ARID4B: variants seen among roughly 807,000 people sequenced by gnomAD.
The protein encoded by ARID4B is AT-rich interaction domain 4B.
ARID4B carries 26 observed loss-of-function variants against 147.5 expected under a neutral mutation model. The observed-to-expected ratio is 0.18, with a 90% CI of 0.13 to 0.24. The LOEUF is 0.24. Ranked by LOEUF, ARID4B falls within the 10% of genes least tolerant of loss-of-function variation. ARID4B has a pLI of 1.00. For synonymous variants in ARID4B, 512 were observed against 507.9 expected (o/e 1.01, Z -0.11); for missense variants, 1,179 against 1,511.5 (o/e 0.78, Z 3.65).
chr1:235,288,561 C>T (rs1167254933), intron 2 of ARID4B, among the ~76,000 whole-genome samples: 1 of 152,108 alleles, frequency 6.6e-6, no homozygotes, highest in Non-Finnish European at 1.5e-5. Flanking sequence ...CACAAACTGT[C>T]GAATTAATTT....
chr1:235,171,726 G>A (rs970179478), intron 23 of ARID4B, among the ~76,000 whole-genome samples: 19 of 151,712 alleles, frequency 1.3e-4, no homozygotes, highest in African/African-American at 4.6e-4. Context: ...TGCAACATCT[G>A]CCTCCTGGGT....
At chr1:235,204,708 G>C (rs955176221) in intron 17 of ARID4B, among the ~76,000 whole-genome samples, 8 of 152,150 alleles carry the variant, frequency 5.3e-5, no homozygotes, top group Non-Finnish European at 1.2e-4. Flanking sequence ...CAGATGCTAA[G>C]TTTTTTAAAT....
intron 4 of ARID4B, among the ~76,000 whole-genome samples, chr1:235,256,274 C>CTATT (rs1247505573): frequency 6.6e-6 from 1 of 151,452 alleles, no homozygotes; most frequent in Non-Finnish European, 1.5e-5. Context: ...TACCTAAGTA[C>CTATT]TATTATAAAG....
At chr1:235,249,670 G>A (rs528372120) in intron 6 of ARID4B, among the ~76,000 whole-genome samples, 31 of 152,060 alleles carry the variant, frequency 2.0e-4, no homozygotes, top group African/African-American at 3.4e-4. Flanking sequence ...GGCCGGGCAC[G>A]GTGGCTCACA....
At chr1:235,209,003 TATA>T (rs1666517774) in intron 17 of ARID4B, among the ~76,000 whole-genome samples, 1 of 152,178 alleles carries the variant, frequency 6.6e-6, no homozygotes, top group South Asian at 2.1e-4. Flanking sequence ...GTAAGAGTAT[TATA>T]ATATTTGTGG....
chr1:235,312,414 C>T (rs923646566), intron 2 of ARID4B, among the ~76,000 whole-genome samples: 1 of 152,144 alleles, frequency 6.6e-6, no homozygotes, highest in Non-Finnish European at 1.5e-5. Flanking sequence ...TGGAAGAATA[C>T]ACCCAAAAAC....
intron 8 of ARID4B, among the ~76,000 whole-genome samples, chr1:235,238,438 C>T (rs1476647071): frequency 3.9e-5 from 6 of 152,172 alleles, no homozygotes; most frequent in Non-Finnish European, 7.3e-5. Flanking sequence ...CCCATTCTGT[C>T]TCTCGATATT....
intron 2 of ARID4B, among the ~76,000 whole-genome samples, chr1:235,261,955 T>C (rs774215343): frequency 2.0e-4 from 31 of 152,238 alleles, no homozygotes; most frequent in Non-Finnish European, 3.7e-4. Flanking sequence ...ATTACTTCTC[T>C]GCCTCAACTT....
intron 18 of ARID4B, among the ~76,000 whole-genome samples, chr1:235,195,621 T>G (rs1404166195): frequency 5.3e-5 from 8 of 151,970 alleles, no homozygotes; most frequent in Non-Finnish European, 1.2e-4. Context: ...TGTGAATATA[T>G]TCTAAGCCAC....
At chr1:235,175,117 A>ACAAAAT in intron 22 of ARID4B, 67 bp downstream of exon 22, 1 of 1,440,086 alleles carries the variant, frequency 6.9e-7, no homozygotes, top group Non-Finnish European at 9.7e-7. Flanking sequence ...AAAAACAAAA[A>ACAAAAT]CAAAATAAAA....
intron 10 of ARID4B, among the ~76,000 whole-genome samples, chr1:235,230,766 AC>A (rs1668165723): frequency 6.6e-6 from 1 of 151,806 alleles, no homozygotes; most frequent in Non-Finnish European, 1.5e-5. Context: ...TATTAAAATA[AC>A]AAAAAATTAG....
intron 8 of ARID4B, among the ~76,000 whole-genome samples, chr1:235,236,850 A>ATATATATATGTG (rs1558233577): frequency 5.3e-5 from 2 of 37,524 alleles, no homozygotes; most frequent in Non-Finnish European, 1.1e-4. Flanking sequence ...ATATATATAT[A>ATATATATATGTG]TATATATATA....
chr1:235,296,075 C>T lies in ARID4B; in HGVS notation c.6+30839G>A, dbSNP rs1370444432. The T allele has an allele frequency of 1.8e-5, 3 of 166,898 alleles. No individual in the cohort carries two copies. In the East Asian group the frequency reaches 4.8e-4, roughly 27 times the overall value. 10.3% of individuals were successfully genotyped at this position (166,898 alleles called of 1,614,324 possible). A position where few individuals can be genotyped will look rare whatever the true frequency, so the allele number is the denominator to read the frequency against. On this transcript the variant is annotated intron_variant, in intron 2 of 23. Coordinates refer to ENST00000264183, the MANE Select transcript of ARID4B (RefSeq NM_016374.6). ...ATATCCTTGGAAGACTGGTCCAGTCCAGGAGAAACCAGCTTGACCACTATG... is the reference window on the plus strand; with the variant it reads ...ATATCCTTGGAAGACTGGTCCAGTCTAGGAGAAACCAGCTTGACCACTATG...
At position 235,293,181 on chromosome 1, in the gene ARID4B, A is replaced by G. The variant is rs562646490; in HGVS notation, c.7-32429T>C. ...GCTGCTATCCTCAGTACCGAAGCGC[A>G]GTAACTAAAGATCAACATCACACAA... On this transcript the variant is annotated intron_variant, in intron 2 of 23. Transcript: ENST00000264183. Among the ~76,000 whole-genome samples the G allele has an allele frequency of 2.6e-5, 4 of 152,360 alleles. No individual in the cohort carries two copies. In the East Asian group the frequency reaches 7.7e-4, roughly 29 times the overall value.
intron 2 of ARID4B, among the ~76,000 whole-genome samples, chr1:235,310,359 A>G (rs1041686855): frequency 1.3e-5 from 2 of 152,234 alleles, no homozygotes; most frequent in Non-Finnish European, 2.9e-5. Flanking sequence ...TTATTTATTT[A>G]TAATAACTAG....
At chr1:235,274,963 G>A (rs116309475) in intron 2 of ARID4B, among the ~76,000 whole-genome samples, 6 of 152,132 alleles carry the variant, frequency 3.9e-5, no homozygotes, top group African/African-American at 9.7e-5. Flanking sequence ...ACAATGGTAA[G>A]AGTAGGAAAA....
chr1:235,181,517 T>C, intron 20 of ARID4B, 68 bp downstream of exon 20: 2 of 1,534,574 alleles, frequency 1.3e-6, no homozygotes, highest in Non-Finnish European at 1.7e-6. Flanking sequence ...CAAGAGATAC[T>C]GTGAAATCAT....
At chr1:235,222,599 T>A (rs532589731) in intron 13 of ARID4B, among the ~76,000 whole-genome samples, 2 of 152,054 alleles carry the variant, frequency 1.3e-5, no homozygotes, top group East Asian at 3.9e-4. Context: ...ATGGCTGTGC[T>A]GTGACTCAGA....
chr1:235,210,864 C>T (rs1009405414), intron 17 of ARID4B, among the ~76,000 whole-genome samples: 17 of 140,278 alleles, frequency 1.2e-4, no homozygotes, highest in African/African-American at 3.7e-4. Flanking sequence ...TATTTAAAAA[C>T]TAAATTACTA....
Sources: gnomAD v4.1 joint callset for allele counts (sites outside exome capture counted in the v4.1 genomes callset) on GRCh38, gnomAD v4.1.1 for gene constraint, MANE v1.5 for transcripts, NCBI Gene and HGNC (gene_info 2026-07-23, HGNC 2026-07-21) for gene names.